The following NUBP2 variants were observed in gnomAD, a reference collection of about 807,000 sequenced individuals.
NUBP2 encodes cytosolic Fe-S cluster assembly factor NUBP2.
A neutral mutation model predicts 24.9 loss-of-function variants in NUBP2; 23 were observed. The observed-to-expected ratio is 0.92, with a 90% CI of 0.66 to 1.31. The LOEUF (loss-of-function observed/expected upper bound fraction) is 1.31. Ranked by LOEUF, NUBP2 falls within the 50% of genes most tolerant of loss-of-function variation. The pLI, the probability that NUBP2 is intolerant of heterozygous loss-of-function variation, is 0.00. For missense variants in NUBP2, 403 were observed against 386.5 expected (o/e 1.04, Z -0.36); for synonymous variants, 186 against 170.9 (o/e 1.09, Z -0.69).
chr16:1,785,639 G>A (rs1411305958), intron 1 of NUBP2: 2 of 1,288,080 alleles, frequency 1.6e-6, no homozygotes, highest in East Asian at 1.1e-4. Flanking sequence ...GTGTTTGCAG[G>A]AGTGTGGGGC....
intron 1 of NUBP2, chr16:1,783,371 A>C (rs1896812418): frequency 9.2e-7 from 1 of 1,083,474 alleles, no homozygotes; most frequent in Non-Finnish European, 1.1e-6. Flanking sequence ...TTGCAACTGC[A>C]CCGCAGCCCG....
chr16:1,784,090 A>T, intron 1 of NUBP2: 1 of 924,754 alleles, frequency 1.1e-6, no homozygotes, highest in Non-Finnish European at 1.3e-6. Context: ...TGAGATTGAT[A>T]GAAGCTTTTT....
chr16:1,783,377 G>A, intron 1 of NUBP2: 1 of 1,078,634 alleles, frequency 9.3e-7, no homozygotes. Context: ...CTGCACCGCA[G>A]CCCGGGCAAG....
At chr16:1,786,725 GC>G (rs1228039801) in intron 2 of NUBP2, 31 bp from the exon 3 acceptor site, 2 of 1,610,846 alleles carry the variant, frequency 1.2e-6, no homozygotes, top group African/African-American at 1.3e-5. Context: ...GCCTGGCGGT[GC>G]CCCCGGCCTA....
intron 3 of NUBP2, 41 bp downstream of exon 3, chr16:1,786,996 G>T (rs773053933): frequency 1.9e-5 from 28 of 1,472,674 alleles, no homozygotes; most frequent in Non-Finnish European, 2.4e-5. Flanking sequence ...GGTGAAGGGG[G>T]TTAGCGTCCG....
At chr16:1,785,565 A>C in intron 1 of NUBP2, 1 of 1,232,056 alleles carries the variant, frequency 8.1e-7, no homozygotes, top group Non-Finnish European at 1.0e-6. Context: ...GTGTTGAAGT[A>C]ATTTAAGTCA....
At position 1,786,778 on chromosome 16, in the gene NUBP2, C is replaced by T. The variant is rs767652799; in HGVS notation, c.157C>T (p.Leu53=). Residue 53 remains leucine (L), a synonymous_variant, in exon 3 of 7, where the codon CTG becomes TTG. Coordinates refer to ENST00000262302, the MANE Select transcript of NUBP2 (RefSeq NM_012225.4). The part of the protein sequence containing the change: ...GKKVGILDVD[L]CGPSIPRMLG... ...GCAGGTGGGAATCCTGGATGTGGAC[C>T]TGTGTGGCCCCAGTATCCCCCGCAT... 1.2e-6 allele frequency: 2 copies of T among 1,611,160 alleles called. No individual in the cohort carries two copies. Among genetic ancestry groups the T allele is most frequent in the Non-Finnish European group, 1.7e-6 (2 of 1,178,970 alleles).
Position 1,788,629 on chromosome 16 carries a change from A to G in NUBP2, c.731A>G (p.Gln244Arg), listed in dbSNP as rs778420175. The change falls in exon 7 of 7, where the codon CAG becomes CGG. Residue 244 changes from glutamine (Q) to arginine (R), a missense_variant. Transcript: ENST00000262302. ...RTLEEGHDFI[Q>R]EFPGSPAFAA... ...CTGGAGGAGGGCCACGACTTCATCC[A>G]GGAGTTCCCTGGGAGCCCCGCCTTC... The G allele has an allele frequency of 1.1e-4, 179 of 1,611,366 alleles. No homozygotes were observed. The highest frequency in any genetic ancestry group is 1.5e-4 in the Non-Finnish European group (173 of 1,179,554).
At position 1,788,028 on chromosome 16, in the gene NUBP2, G is replaced by A. The variant is rs752297551; in HGVS notation, c.577G>A (p.Gly193Ser). 19 of 1,598,684 alleles carry A rather than the reference G, an allele frequency of 1.2e-5. No homozygotes were observed. Among genetic ancestry groups the A allele is most frequent in the South Asian group, 1.1e-4 (10 of 89,616 alleles). ...RVMGIVENMSGFTCPHCTECT... is the reference protein window; with the variant it reads ...RVMGIVENMSSFTCPHCTECT... Reference sequence around the variant, plus strand: ...GATGGGAATCGTGGAGAATATGAGCGGCTTCACCTGCCCACACTGCACGGT... The same window carrying A: ...GATGGGAATCGTGGAGAATATGAGCAGCTTCACCTGCCCACACTGCACGGT... Residue 193 changes from glycine to serine, a missense_variant, in exon 5 of 7, where the codon GGC becomes AGC. Transcript: ENST00000262302.
rs111886912 is a variant in NUBP2, at chr16:1,787,990, C to G, written c.539C>G (p.Thr180Arg). The change falls in exon 5 of 7, where the codon ACG (threonine) becomes AGG (arginine). Residue 180 changes from threonine (T) to arginine (R), a missense_variant. By Grantham distance (71) the Thr-to-Arg change is moderately conservative (BLOSUM62 -1). Transcript: ENST00000262302. ...CGCGAGCTGACCTTCTGTAGGAAGA[C>G]GGGCTTGCGGGTGATGGGAATCGTG... ...VRRELTFCRK[T>R]GLRVMGIVEN... 1 of 1,605,192 alleles carries G rather than the reference C, an allele frequency of 6.2e-7. No homozygotes were observed. Among genetic ancestry groups the G allele is most frequent in the Non-Finnish European group, 8.5e-7 (1 of 1,177,330 alleles).
intron 1 of NUBP2, chr16:1,785,523 C>A: frequency 1.7e-6 from 2 of 1,200,854 alleles, no homozygotes; most frequent in Non-Finnish European, 2.1e-6. Flanking sequence ...TGCATGCTCC[C>A]TCTCTGCACG....
rs1159302142 is a variant in NUBP2, at chr16:1,787,736, GAC to G, written c.397_398del (p.Thr133AlafsTer7). ...GGGGGAGCTGGACTACCTGGTGGTG[GAC>G]ACGCCCCCGGGGACCTCCGATGAGC... Reference protein sequence around the residue: ...AWGELDYLVVDTPPGTSDEHM... With the variant: ...AWGELDYLVVXTPPGTSDEHM... On this transcript the variant is annotated frameshift_variant, in exon 4 of 7. Coordinates refer to ENST00000262302, the MANE Select transcript of NUBP2 (RefSeq NM_012225.4). LOFTEE classifies it high-confidence loss of function. 1 of 1,612,680 alleles carries G rather than the reference GAC, an allele frequency of 6.2e-7. No homozygotes were observed. Among genetic ancestry groups the G allele is most frequent in the Non-Finnish European group, 8.5e-7 (1 of 1,179,936 alleles).
chr16:1,786,552 C>T lies in NUBP2; in HGVS notation c.32C>T (p.Ala11Val), dbSNP rs773318522. The T allele has an allele frequency of 3.1e-6, 5 of 1,596,598 alleles. No homozygotes were observed. Among genetic ancestry groups the T allele is most frequent in the Non-Finnish European group, 1.7e-6 (2 of 1,167,944 alleles). Reference protein sequence around the residue: MEAAAEPGNLAGVRHIILVLS... With the variant: MEAAAEPGNLVGVRHIILVLS... ...TTCCGCCCAGAGCCTGGAAACCTGG[C>T]CGGCGTCAGGCACATCATCCTGGTC... The change falls in exon 2 of 7, where the codon GCC becomes GTC. Residue 11 changes from alanine to valine, a missense_variant. Physicochemically the swap from Ala to Val is moderately conservative, Grantham distance 64 (BLOSUM62 0). Coordinates refer to ENST00000262302, the MANE Select transcript of NUBP2 (RefSeq NM_012225.4).
intron 1 of NUBP2, chr16:1,783,460 G>A (rs909835631): frequency 4.0e-6 from 4 of 998,442 alleles, no homozygotes; most frequent in African/African-American, 3.5e-5. Flanking sequence ...AATCTCACAT[G>A]CTTTTAAGTT....
Position 1,787,965 on chromosome 16 carries a change from C to T in NUBP2, c.514C>T (p.Arg172Cys), listed in dbSNP as rs781681314. ...PQAVSVGDVR[R>C]ELTFCRKTGL... ...GGCGGTGTCCGTGGGGGACGTGAGG[C>T]GCGAGCTGACCTTCTGTAGGAAGAC... Residue 172 changes from arginine (R) to cysteine (C), a missense_variant, in exon 5 of 7, where the codon CGC (arginine) becomes TGC (cysteine). Coordinates refer to ENST00000262302, the MANE Select transcript of NUBP2 (RefSeq NM_012225.4). 33 of 1,604,434 alleles carry T rather than the reference C, an allele frequency of 2.1e-5. No individual in the cohort carries two copies. Among genetic ancestry groups the T allele is most frequent in the Middle Eastern group, 1.7e-4 (1 of 6,018 alleles).
Position 1,787,962 on chromosome 16 carries a change from A to G in NUBP2, c.511A>G (p.Arg171Gly), listed in dbSNP as rs1351419692. Residue 171 changes from arginine to glycine, a missense_variant, in exon 5 of 7, where the codon AGG becomes GGG. By Grantham distance (125) the Arg-to-Gly change is moderately radical. Coordinates refer to ENST00000262302, the MANE Select transcript of NUBP2 (RefSeq NM_012225.4). ...GCAGGCGGTGTCCGTGGGGGACGTG[A>G]GGCGCGAGCTGACCTTCTGTAGGAA... ...TPQAVSVGDV[R>G]RELTFCRKTG... 6.2e-7 allele frequency: 1 copy of G among 1,604,220 alleles called. No individual in the cohort carries two copies.
At chr16:1,785,189 G>T in intron 1 of NUBP2, 1 of 998,476 alleles carries the variant, frequency 1.0e-6, no homozygotes, top group South Asian at 4.3e-5. Context: ...ATGGTGCTTC[G>T]CCTCCTTCCT....
chr16:1,785,251 G>A, intron 1 of NUBP2: 1 of 1,024,960 alleles, frequency 9.8e-7, no homozygotes, highest in Non-Finnish European at 1.2e-6. Context: ...ACTGTGCTTT[G>A]CTGACAATCT....
intron 6 of NUBP2, 84 bp from the exon 7 acceptor site, chr16:1,788,485 G>C: frequency 6.8e-7 from 1 of 1,464,820 alleles, no homozygotes; most frequent in Non-Finnish European, 9.0e-7. Context: ...CTAAGGCCAC[G>C]GGTGGTTCGG....
Sources: gnomAD v4.1 joint callset for allele counts on GRCh38, gnomAD v4.1.1 for gene constraint, MANE v1.5 for transcripts, NCBI Gene and HGNC (gene_info 2026-07-23, HGNC 2026-07-21) for gene names.